LACTB: variants seen among roughly 807,000 people sequenced by gnomAD.
The protein encoded by LACTB is lactamase beta, also known as serine beta-lactamase-like protein LACTB, mitochondrial.
Under a neutral mutation model 50.2 loss-of-function variants are expected in LACTB, and 35 were observed. The observed-to-expected ratio is 0.70, with a 90% CI of 0.53 to 0.92. LACTB has a LOEUF of 0.92. Ranked by LOEUF, LACTB falls within the 40% of genes least tolerant of loss-of-function variation. LACTB has a pLI of 0.00. For synonymous variants in LACTB, 252 were observed against 268.2 expected, an observed-to-expected ratio of 0.94 and a Z score of 0.59; for missense variants, 664 against 691.8, an observed-to-expected ratio of 0.96 and a Z score of 0.45.
At chr15:63,139,202 A>C (rs986801785) in intron 5 of LACTB, among the ~76,000 whole-genome samples, 11 of 150,938 alleles carry the variant, frequency 7.3e-5, no homozygotes, top group African/African-American at 2.7e-4. Flanking sequence ...TCCAAAAAAA[A>C]AAAAAAAAAA....
At chr15:63,133,352 G>T (rs1278251941) in intron 5 of LACTB, among the ~76,000 whole-genome samples, 1 of 152,152 alleles carries the variant, frequency 6.6e-6, no homozygotes, top group Non-Finnish European at 1.5e-5. Context: ...GGTGCTGTGT[G>T]GCTCATGCCT....
In LACTB at chr15:63,122,156, C is replaced by A. The variant is rs754428669; in HGVS notation, c.285C>A (p.Thr95=). The A allele has an allele frequency of 6.2e-5, 94 of 1,514,588 alleles. No homozygotes were observed. Among genetic ancestry groups the A allele is most frequent in the South Asian group, 3.1e-4 (26 of 82,650 alleles). The allele number at this position is 1,514,588 out of a possible 1,614,324, so 93.8% of individuals were successfully genotyped here. A position where few individuals can be genotyped will look rare whatever the true frequency, so the allele number is the denominator to read the frequency against. ...EQSLAPWSPQ[T]PAPPCSRCFA... ...CCCTCGCCCCGTGGTCTCCGCAGAC[C>A]CCGGCGCCGCCCTGCTCCAGGTGCT... is the stretch of plus-strand genomic sequence containing the variant. Residue 95 remains threonine, a synonymous_variant, in exon 1 of 6, where the codon ACC becomes ACA. Coordinates refer to ENST00000261893, the MANE Select transcript of LACTB (RefSeq NM_032857.5).
intron 2 of LACTB, among the ~76,000 whole-genome samples, chr15:63,124,576 G>C (rs2037023739): frequency 2.0e-5 from 3 of 152,030 alleles, no homozygotes; most frequent in Admixed American, 6.6e-5. Flanking sequence ...CTTTTATCAA[G>C]GCATTATTTT....
rs746733829 is a variant in LACTB at position 63,141,576 on chromosome 15, C to T, written c.1415C>T (p.Thr472Met). The stretch of plus-strand genomic sequence containing the variant: ...TGGGGTGTTGTGGAAAGGAAACAAA[C>T]GTATGGTTCGTGTAGAAAGCAACGG... ...MAWGVVERKQTYGSCRKQRHY... is the reference protein window; with the variant it reads ...MAWGVVERKQMYGSCRKQRHY... Residue 472 changes from threonine (T) to methionine (M), a missense_variant, in exon 6 of 6, where the codon ACG becomes ATG. Transcript: ENST00000261893. The T allele has an allele frequency of 8.4e-5, 136 of 1,614,034 alleles. No individual in the cohort carries two copies. The highest frequency in any genetic ancestry group is 1.2e-4 in the Admixed American group (7 of 59,996).
At chr15:63,134,078 G>GT (rs2037155398) in intron 5 of LACTB, among the ~76,000 whole-genome samples, 1 of 152,118 alleles carries the variant, frequency 6.6e-6, no homozygotes, top group Non-Finnish European at 1.5e-5. Context: ...AATTAATTCA[G>GT]TTTTTTAAGT....
At chr15:63,123,585 T>A (rs1331927363) in intron 2 of LACTB, among the ~76,000 whole-genome samples, 1 of 152,112 alleles carries the variant, frequency 6.6e-6, no homozygotes, top group Non-Finnish European at 1.5e-5. Context: ...TGGCCCCGAA[T>A]GTCTGGCTGC....
intron 2 of LACTB, among the ~76,000 whole-genome samples, chr15:63,126,454 T>C (rs1249331425): frequency 1.3e-5 from 2 of 152,248 alleles, no homozygotes; most frequent in Non-Finnish European, 2.9e-5. Context: ...CACTTACTTT[T>C]ATTGAGTGGC....
intron 4 of LACTB, among the ~76,000 whole-genome samples, 194 bp downstream of exon 4, chr15:63,127,883 A>T (rs937773220): frequency 2.6e-5 from 4 of 152,228 alleles, no homozygotes; most frequent in Non-Finnish European, 4.4e-5. Flanking sequence ...ATTTTGCCTC[A>T]TTGGAGACTA....
intron 5 of LACTB, among the ~76,000 whole-genome samples, chr15:63,138,278 G>T (rs2037193884): frequency 6.6e-6 from 1 of 151,930 alleles, no homozygotes; most frequent in Non-Finnish European, 1.5e-5. Flanking sequence ...TCCAGCCTGG[G>T]TGACAGAGTG....
intron 2 of LACTB, among the ~76,000 whole-genome samples, chr15:63,123,599 G>C (rs2037007756): frequency 6.6e-6 from 1 of 152,180 alleles, no homozygotes; most frequent in African/African-American, 2.4e-5. Context: ...TGGCTGCGCT[G>C]TTATTTATTG....
At position 63,137,345 on chromosome 15, in the gene LACTB, C is replaced by T. The variant is rs975498725; in HGVS notation, c.1119-3935C>T. ...TCAATGCCTCGGCTTATTATTAGAA[C>T]TTGGCCATATTTTTTATGTGTTTGG... On this transcript the variant is annotated intron_variant, in intron 5 of 5. Transcript: ENST00000261893. 7.2e-5 allele frequency among the ~76,000 whole-genome samples: 11 copies of T among 152,154 alleles called. No individual in the cohort carries two copies. The South Asian group carries it at 1.5e-3, about 20-fold the overall frequency.
chr15:63,133,130 T>G (rs2037148126), intron 5 of LACTB, among the ~76,000 whole-genome samples: 1 of 152,190 alleles, frequency 6.6e-6, no homozygotes, highest in South Asian at 2.1e-4. Context: ...TTTTGACAAG[T>G]TAACTAGAAT....
intron 4 of LACTB, 88 bp from the exon 5 acceptor site, chr15:63,129,397 T>G (rs997805346): frequency 3.4e-6 from 4 of 1,185,768 alleles, no homozygotes; most frequent in Non-Finnish European, 4.5e-6. Context: ...TTTAAAAGTA[T>G]GCCAATTTTC....
intron 5 of LACTB, among the ~76,000 whole-genome samples, chr15:63,135,403 A>T (rs773415972): frequency 6.6e-6 from 1 of 152,226 alleles, no homozygotes; most frequent in Non-Finnish European, 1.5e-5. Context: ...CAACTACTTC[A>T]GACTCTTTGT....
chr15:63,133,812 T>G (rs1356473397), intron 5 of LACTB, among the ~76,000 whole-genome samples: 1 of 152,230 alleles, frequency 6.6e-6, no homozygotes, highest in Non-Finnish European at 1.5e-5. Context: ...ACATTTGAGC[T>G]TATTTTGTAG....
chr15:63,141,321 C>G lies in LACTB; in HGVS notation c.1160C>G (p.Pro387Arg), dbSNP rs1026377051. 5 of 1,613,774 alleles carry G rather than the reference C, an allele frequency of 3.1e-6. No individual in the cohort carries two copies. The highest frequency in any genetic ancestry group is 4.2e-6 in the Non-Finnish European group (5 of 1,179,780). ...AAAAAGAAACGTCTTGTCAACACAC[C>G]TTACGTGGATAACTCCTATAAATGG... ...YNKKKRLVNT[P>R]YVDNSYKWAG... Residue 387 changes from proline (P) to arginine (R), a missense_variant, in exon 6 of 6, where the codon CCT becomes CGT. Pro to Arg is a moderately radical substitution (Grantham distance 103, BLOSUM62 -2). Coordinates refer to ENST00000261893, the MANE Select transcript of LACTB (RefSeq NM_032857.5).
intron 2 of LACTB, among the ~76,000 whole-genome samples, 192 bp from the exon 3 acceptor site, chr15:63,126,667 T>G (rs1036139857): frequency 6.6e-6 from 1 of 152,240 alleles, no homozygotes; most frequent in African/African-American, 2.4e-5. Context: ...GTTATAAGGT[T>G]AAATTGTTAG....
chr15:63,134,795 GGTGTGATGTGT>G (rs1280446043), intron 5 of LACTB, among the ~76,000 whole-genome samples: 2 of 141,710 alleles, frequency 1.4e-5, no homozygotes, highest in African/African-American at 5.5e-5. Flanking sequence ...GTTTTAGAAG[GGTGTGATGTGT>G]GTGTGATGTG....
Position 63,141,505 on chromosome 15 carries a change from T to C in LACTB, c.1344T>C (p.Pro448=). 6.2e-7 allele frequency: 1 copy of C among 1,614,224 alleles called. No individual in the cohort carries two copies. The highest frequency in any genetic ancestry group is 8.5e-7 in the Non-Finnish European group (1 of 1,180,026). ...TGGTTATGATGTGGACCCCAGTCCCTAACACAGAGATGTCTTGGGATAAAG... is the reference window on the plus strand; with the variant it reads ...TGGTTATGATGTGGACCCCAGTCCCCAACACAGAGATGTCTTGGGATAAAG... ...ETMVMMWTPV[P]NTEMSWDKEG... Residue 448 remains proline, a synonymous_variant, in exon 6 of 6, where the codon CCT becomes CCC. Coordinates refer to ENST00000261893, the MANE Select transcript of LACTB (RefSeq NM_032857.5).
Sources: allele counts gnomAD v4.1 joint callset (sites outside exome capture counted in the v4.1 genomes callset), GRCh38; gene constraint gnomAD v4.1.1; transcripts MANE v1.5; gene names NCBI Gene and HGNC (gene_info 2026-07-23, HGNC 2026-07-21).